Variants in KSR2 observed in about 807,000 individuals in gnomAD.
The protein encoded by KSR2 is kinase suppressor of ras 2.
A neutral mutation model predicts 107.8 loss-of-function variants in KSR2; 25 were observed. The observed-to-expected ratio is 0.23, with a 90% CI of 0.17 to 0.32. The LOEUF is 0.32. Ranked by LOEUF, KSR2 falls within the 10% of genes least tolerant of loss-of-function variation. The pLI, the probability that KSR2 is intolerant of heterozygous loss-of-function variation, is 1.00. For synonymous variants in KSR2, 480 were observed against 507.0 expected, an observed-to-expected ratio of 0.95 and a Z score of 0.71; for missense variants, 887 against 1,268.9, an observed-to-expected ratio of 0.70 and a Z score of 4.57.
chr12:117,712,439 A>C (rs1886820892), intron 4 of KSR2, among the ~76,000 whole-genome samples: 1 of 152,136 alleles, frequency 6.6e-6, no homozygotes, highest in South Asian at 2.1e-4. Context: ...CCGTGACAGA[A>C]ACACCACTAG....
Position 117,530,992 on chromosome 12 carries a change from G to A in KSR2, c.1751C>T (p.Thr584Met), listed in dbSNP as rs374020752. Residue 584 changes from threonine to methionine, a missense_variant, in exon 12 of 20, where the codon ACG (threonine) becomes ATG (methionine). By Grantham distance (81) the Thr-to-Met change is moderately conservative. Around this residue, in one of 8 missense-constraint regions of KSR2, gnomAD observed 308 missense variants for 506.2 expected, o/e 0.61. Coordinates refer to ENST00000339824, the MANE Select transcript of KSR2 (RefSeq NM_173598.6). ...GATGACCTGGGGCGCCCGGGTCGGCGTCTCCGGCACCGGCACCACATCTGA... is the reference window on the plus strand; with the variant it reads ...GATGACCTGGGGCGCCCGGGTCGGCATCTCCGGCACCGGCACCACATCTGA... The part of the protein sequence containing the change: ...IFPDVVPVPE[T>M]PTRAPQVILH... 2.2e-5 allele frequency: 35 copies of A among 1,613,408 alleles called. No individual in the cohort carries two copies. Among genetic ancestry groups the A allele is most frequent in the African/African-American group, 5.3e-5 (4 of 74,910 alleles).
At chr12:117,559,811 T>A (rs1374832743) in intron 7 of KSR2, among the ~76,000 whole-genome samples, 1 of 152,192 alleles carries the variant, frequency 6.6e-6, no homozygotes, top group East Asian at 1.9e-4. Flanking sequence ...GAGTTTTATG[T>A]CAATAGGATA....
At chr12:117,908,290 A>C (rs532666932) in intron 1 of KSR2, among the ~76,000 whole-genome samples, 1 of 151,232 alleles carries the variant, frequency 6.6e-6, no homozygotes, top group African/African-American at 2.4e-5. Flanking sequence ...CTAATTATTT[A>C]CCGAGTTTGG....
chr12:117,657,321 TAA>T (rs1884228475), intron 5 of KSR2, among the ~76,000 whole-genome samples: 1 of 152,004 alleles, frequency 6.6e-6, no homozygotes, highest in Admixed American at 6.6e-5. Context: ...AGATAGAGAC[TAA>T]GTCACAACAT....
At chr12:117,922,284 A>T (rs1423454442) in intron 1 of KSR2, among the ~76,000 whole-genome samples, 1 of 152,190 alleles carries the variant, frequency 6.6e-6, no homozygotes. Flanking sequence ...TCTGTGAGAA[A>T]TTCTCCCTAA....
rs541749800 is a variant in KSR2, at chr12:117,683,095, G to T, written c.987-15437C>A. 3.3e-5 allele frequency among the ~76,000 whole-genome samples: 5 copies of T among 152,202 alleles called. 2 individuals are homozygous for T. Among genetic ancestry groups the T allele is most frequent in the African/African-American group, 9.6e-5 (4 of 41,538 alleles). On this transcript the variant is annotated intron_variant, in intron 4 of 19. Transcript: ENST00000339824. ...TGGCAGGTGAGGGGGCTGTGGATTTGGGGAGTAGATACTTCGTTACTTTTA... is the reference window on the plus strand; with the variant it reads ...TGGCAGGTGAGGGGGCTGTGGATTTTGGGAGTAGATACTTCGTTACTTTTA...
At chr12:117,756,179 G>C (rs1888782106) in intron 4 of KSR2, among the ~76,000 whole-genome samples, 1 of 152,184 alleles carries the variant, frequency 6.6e-6, no homozygotes, top group Non-Finnish European at 1.5e-5. Flanking sequence ...TGATGAAAGT[G>C]GTTACACTAA....
chr12:117,592,743 G>A (rs866660650), intron 5 of KSR2, among the ~76,000 whole-genome samples: 8 of 152,238 alleles, frequency 5.3e-5, no homozygotes, highest in African/African-American at 1.9e-4. Flanking sequence ...GGAGACCTGG[G>A]TGCCACAGGA....
At chr12:117,608,548 G>A (rs577935903) in intron 5 of KSR2, among the ~76,000 whole-genome samples, 77 of 152,012 alleles carry the variant, frequency 5.1e-4, no homozygotes, top group African/African-American at 1.5e-3. Flanking sequence ...CTCTCTCATC[G>A]GCACCTGAGG....
chr12:117,874,922 G>A (rs1208421916), intron 1 of KSR2, among the ~76,000 whole-genome samples: 1 of 152,186 alleles, frequency 6.6e-6, no homozygotes, highest in East Asian at 1.9e-4. Context: ...CACTGCCCAG[G>A]TGTAGAATGA....
At chr12:117,932,484 G>C (rs1472693249) in intron 1 of KSR2, among the ~76,000 whole-genome samples, 3 of 152,184 alleles carry the variant, frequency 2.0e-5, no homozygotes, top group Admixed American at 1.3e-4. Flanking sequence ...GGGAGGCTAA[G>C]GTGGGAAGAT....
At chr12:117,539,691 C>G in intron 10 of KSR2, 28 bp downstream of exon 10, 1 of 1,585,404 alleles carries the variant, frequency 6.3e-7, no homozygotes. Flanking sequence ...ACGCTGCACC[C>G]CTCATGTCTC....
chr12:117,674,073 T>C (rs1355777794), intron 4 of KSR2, among the ~76,000 whole-genome samples: 1 of 152,188 alleles, frequency 6.6e-6, no homozygotes, highest in Non-Finnish European at 1.5e-5. Flanking sequence ...CCATCACCTA[T>C]GCTTAGGAAA....
At chr12:117,633,657 G>T (rs1234849100) in intron 5 of KSR2, among the ~76,000 whole-genome samples, 1 of 152,102 alleles carries the variant, frequency 6.6e-6, no homozygotes, top group African/African-American at 2.4e-5. Context: ...GTCCTCACAT[G>T]GTCTCCTTCC....
intron 4 of KSR2, among the ~76,000 whole-genome samples, chr12:117,676,096 A>C (rs1409121035): frequency 6.6e-6 from 1 of 152,230 alleles, no homozygotes; most frequent in African/African-American, 2.4e-5. Context: ...AGAGCTTACG[A>C]GCTCTCGGCT....
intron 14 of KSR2, among the ~76,000 whole-genome samples, chr12:117,498,716 C>T (rs1093300): frequency 0.48 from 72,801 of 151,826 alleles, 19,944 homozygotes; most frequent in African/African-American, 0.75. Flanking sequence ...TGGGGACAGG[C>T]CTTTCCTGTG....
At chr12:117,515,162 C>G (rs1364772213) in intron 14 of KSR2, among the ~76,000 whole-genome samples, 1 of 152,188 alleles carries the variant, frequency 6.6e-6, no homozygotes, top group Non-Finnish European at 1.5e-5. Flanking sequence ...TTTCCATCAT[C>G]AGGCACTGGA....
intron 19 of KSR2, among the ~76,000 whole-genome samples, chr12:117,467,538 C>A (rs1019708524): frequency 6.6e-6 from 1 of 152,184 alleles, no homozygotes; most frequent in African/African-American, 2.4e-5. Context: ...AAGTGTTTTG[C>A]CAAAGGGCAC....
intron 3 of KSR2, among the ~76,000 whole-genome samples, chr12:117,831,379 G>A (rs1173573674): frequency 1.3e-5 from 2 of 152,152 alleles, no homozygotes; most frequent in Non-Finnish European, 2.9e-5. Context: ...GACAGCCCAG[G>A]GCACCTCTTC....
Sources: allele counts gnomAD v4.1 joint callset (sites outside exome capture counted in the v4.1 genomes callset), GRCh38; gene constraint gnomAD v4.1.1; regional missense constraint gnomAD v4.1.1; transcripts MANE v1.5; gene names NCBI Gene and HGNC (gene_info 2026-07-23, HGNC 2026-07-21).